METTL15: variants seen among roughly 807,000 people sequenced by gnomAD.
METTL15 encodes the protein 12S rRNA N(4)-cytidine methyltransferase METTL15.
In METTL15, 34 loss-of-function variants were observed where a neutral mutation model predicts 38.3. The observed-to-expected ratio is 0.89, with a 90% confidence interval of 0.68 to 1.18. The LOEUF (loss-of-function observed/expected upper bound fraction) is 1.18, where lower values mean the gene tolerates loss of function less well. Among genes scored for constraint, METTL15 ranks in the 50% most tolerant of loss-of-function variants. The probability of loss-of-function intolerance (pLI) is 0.00; values close to 1 mark genes in which losing one functional copy is unlikely to be tolerated. For missense variants in METTL15, 438 were observed against 498.4 expected (o/e 0.88, Z 1.15); for synonymous variants, 162 against 170.9 (o/e 0.95, Z 0.41).
At chr11:28,209,978 T>C (rs1434689693) in intron 3 of METTL15, among the ~76,000 whole-genome samples, 2 of 152,028 alleles carry the variant, frequency 1.3e-5, no homozygotes, top group African/African-American at 2.4e-5. Context: ...TGAAGTTTAC[T>C]GAAAGGTCCC....
At chr11:28,147,072 C>A (rs971705162) in intron 3 of METTL15, among the ~76,000 whole-genome samples, 1 of 151,772 alleles carries the variant, frequency 6.6e-6, no homozygotes, top group Non-Finnish European at 1.5e-5. Flanking sequence ...TGATAAAATG[C>A]TAGAAAGGAT....
At chr11:28,375,916 C>T (rs911431666) in intron 5 of METTL15, among the ~76,000 whole-genome samples, 21 of 151,842 alleles carry the variant, frequency 1.4e-4, no homozygotes, top group Admixed American at 7.9e-4. Context: ...GCCTTCATTT[C>T]GTTATGTACC....
chr11:28,384,099 TG>T (rs1399766042), intron 5 of METTL15, among the ~76,000 whole-genome samples: 1 of 152,166 alleles, frequency 6.6e-6, no homozygotes, highest in Non-Finnish European at 1.5e-5. Context: ...CTAAGGATAA[TG>T]ACTTCCAGCT....
chr11:28,293,297 A>G lies in METTL15; in HGVS notation c.599+2900A>G, dbSNP rs191395101. On this transcript the variant is annotated intron_variant, in intron 5 of 6. Transcript: ENST00000407364. ...ATGGCTAGCGAGTTTTCCCAGCCCC[A>G]TTTATTAAACAGGGAATCCTTTCCC... 7.3e-3 allele frequency among the ~76,000 whole-genome samples: 1,111 copies of G among 152,286 alleles called. 5 individuals carry two copies. The highest frequency in any genetic ancestry group is 0.015 in the Admixed American group (226 of 15,296).
chr11:28,110,866 A>G (rs1369930228), intron 2 of METTL15, among the ~76,000 whole-genome samples: 1 of 152,182 alleles, frequency 6.6e-6, no homozygotes, highest in Non-Finnish European at 1.5e-5. Context: ...TTGCTTGTAG[A>G]GAAAAGTTAA....
intron 3 of METTL15, among the ~76,000 whole-genome samples, chr11:28,195,380 G>T (rs1388222948): frequency 6.6e-6 from 1 of 151,916 alleles, no homozygotes; most frequent in African/African-American, 2.4e-5. Flanking sequence ...AGCATCTATT[G>T]TTTTTTGACT....
At chr11:28,334,966 G>T (rs981409884), downstream of METTL15, among the ~76,000 whole-genome samples, 1 of 152,070 alleles carries the variant, frequency 6.6e-6, no homozygotes, top group Non-Finnish European at 1.5e-5. Flanking sequence ...AGGAGATTGT[G>T]TCTTTGGTAA....
In METTL15 at chr11:28,432,436, C is replaced by T. The variant is rs142326777; in HGVS notation, c.*424+8072C>T. Among the ~76,000 whole-genome samples, 5 of 152,258 alleles carry T rather than the reference C, an allele frequency of 3.3e-5. No homozygotes were observed. The East Asian group carries it at 7.7e-4, about 24-fold the overall frequency. On this transcript the variant is annotated intron_variant and NMD_transcript_variant, in intron 6 of 7. Transcript: ENST00000532947. ...TTCATGTTTATTACTCTTTTCTCTC[C>T]TTGGAAAAATGTATTGGAGGAAAGA...
At chr11:28,327,360 G>A (rs1379617623) in intron 6 of METTL15, among the ~76,000 whole-genome samples, 1 of 152,192 alleles carries the variant, frequency 6.6e-6, no homozygotes, top group Non-Finnish European at 1.5e-5. Context: ...ATAGCTGAAA[G>A]CTCTTATATC....
At chr11:28,433,836 T>C (rs1850957940) in intron 6 of METTL15, among the ~76,000 whole-genome samples, 1 of 152,164 alleles carries the variant, frequency 6.6e-6, no homozygotes, top group Admixed American at 6.5e-5. Context: ...TGATACGTCT[T>C]ATAGATCAAT....
In METTL15 at chr11:28,115,935, T is replaced by TACACAC. The variant is rs112533269; in HGVS notation, c.270+2357_270+2362dup. Among the ~76,000 whole-genome samples, 546 of 142,448 alleles carry TACACAC rather than the reference T, an allele frequency of 3.8e-3. 1 individual carries two copies. The highest frequency in any genetic ancestry group is 7.3e-3 in the African/African-American group (281 of 38,342). The allele number at this position is 142,448 out of a possible 152,430, so 93.5% of individuals were successfully genotyped here. A position where few individuals can be genotyped will look rare whatever the true frequency, so the allele number is the denominator to read the frequency against. ...ATACACAGACACACACACATACACA[T>TACACAC]ACACACACACACACACACACACACA... On this transcript the variant is annotated intron_variant, in intron 3 of 6. Coordinates refer to ENST00000407364, the MANE Select transcript of METTL15 (RefSeq NM_001113528.2).
At chr11:28,506,393 C>A (rs1374445163) in intron 6 of METTL15, among the ~76,000 whole-genome samples, 2 of 152,152 alleles carry the variant, frequency 1.3e-5, no homozygotes, top group Non-Finnish European at 2.9e-5. Flanking sequence ...CTGAAATCTT[C>A]ATTTTATTAC....
intron 3 of METTL15, among the ~76,000 whole-genome samples, chr11:28,207,260 C>G (rs1185605363): frequency 1.3e-5 from 2 of 151,870 alleles, no homozygotes; most frequent in African/African-American, 4.8e-5. Flanking sequence ...ATAGATAGCT[C>G]TTATTATTTT....
At chr11:28,280,240 T>C (rs941223310) in intron 4 of METTL15, among the ~76,000 whole-genome samples, 1 of 152,192 alleles carries the variant, frequency 6.6e-6, no homozygotes, top group African/African-American at 2.4e-5. Flanking sequence ...ATAGTTCTTT[T>C]AATATAGGTC....
chr11:28,329,583 CT>C (rs1230699902), intron 6 of METTL15, among the ~76,000 whole-genome samples: 8 of 152,120 alleles, frequency 5.3e-5, no homozygotes, highest in African/African-American at 1.9e-4. Flanking sequence ...GTAATTAAGT[CT>C]TCCAATCTGT....
chr11:28,396,084 A>G (rs1231747297), intron 5 of METTL15, among the ~76,000 whole-genome samples: 1 of 152,192 alleles, frequency 6.6e-6, no homozygotes, highest in Non-Finnish European at 1.5e-5. Flanking sequence ...TTAGGTATTG[A>G]TGGGACGTAT....
intron 6 of METTL15, among the ~76,000 whole-genome samples, chr11:28,329,621 T>G (rs1321366637): frequency 6.6e-6 from 1 of 152,136 alleles, no homozygotes; most frequent in African/African-American, 2.4e-5. Flanking sequence ...CCCATTTATA[T>G]AGGTCTTTAA....
chr11:28,312,408 G>A (rs972380838), intron 6 of METTL15, among the ~76,000 whole-genome samples: 1 of 152,070 alleles, frequency 6.6e-6, no homozygotes, highest in African/African-American at 2.4e-5. Context: ...GAGCCCTTTG[G>A]GCTTCAGCTG....
intron 5 of METTL15, among the ~76,000 whole-genome samples, chr11:28,389,368 C>T (rs545054104): frequency 2.4e-4 from 34 of 144,214 alleles, no homozygotes; most frequent in Non-Finnish European, 2.1e-4. Context: ...TCTCCTAATG[C>T]TGTCCCTCCC....
Sources: allele counts gnomAD v4.1 joint callset (sites outside exome capture counted in the v4.1 genomes callset), GRCh38; gene constraint gnomAD v4.1.1; transcripts MANE v1.5; gene names NCBI Gene and HGNC (gene_info 2026-07-23, HGNC 2026-07-21).